The following LMBR1L variants were observed in gnomAD, a reference collection of about 807,000 sequenced individuals.
LMBR1L encodes the protein protein LMBR1L.
LMBR1L carries 47 observed loss-of-function variants against 67.3 expected under a neutral mutation model. The ratio of observed to expected loss-of-function variants is 0.70; its 90% CI spans 0.55 to 0.89. The LOEUF is 0.89. LMBR1L is among the 40% of genes least tolerant of loss of function. The pLI is 0.00. For missense variants in LMBR1L, 533 were observed against 599.2 expected (o/e 0.89, Z 1.15); for synonymous variants, 247 against 250.3 (o/e 0.99, Z 0.13).
chr12:49,109,898 C>CA (rs1267728037), intron 1 of LMBR1L: 1 of 402,750 alleles, frequency 2.5e-6, no homozygotes, highest in Non-Finnish European at 5.0e-6. Context: ...GGGTTTCAAA[C>CA]AAACACCAAT....
intron 3 of LMBR1L, among the ~76,000 whole-genome samples, 153 bp downstream of exon 3, chr12:49,105,771 G>A (rs540294886): frequency 2.0e-5 from 3 of 152,196 alleles, no homozygotes; most frequent in Non-Finnish European, 4.4e-5. Flanking sequence ...AGCATCCCCA[G>A]GGTGAGGTAA....
rs981476424 is a variant in LMBR1L at position 49,102,626 on chromosome 12, C to T, written c.697-86G>A. The T allele has an allele frequency of 1.7e-5, 24 of 1,378,642 alleles. No homozygotes were observed. The Admixed American group carries it at 2.6e-4, about 15-fold the overall frequency. 85.4% of individuals were successfully genotyped at this position (1,378,642 alleles called of 1,614,324 possible). A position where few individuals can be genotyped will look rare whatever the true frequency, so the allele number is the denominator to read the frequency against. ...GAGAACCCTGTTCTTCCCAGGGCTC[C>T]GTAGTCCCAGGCTTCCCCCAGACCC... On this transcript the variant is annotated intron_variant, in intron 8 of 16. Coordinates refer to ENST00000267102, the MANE Select transcript of LMBR1L (RefSeq NM_018113.4).
At chr12:49,106,523 T>A in intron 2 of LMBR1L, 1 of 1,268,492 alleles carries the variant, frequency 7.9e-7, no homozygotes, top group South Asian at 1.2e-5. Context: ...AGGCTCCCCA[T>A]AAAGAGAAAG....
At chr12:49,110,156 A>G (rs947434122) in intron 1 of LMBR1L, 1 of 555,534 alleles carries the variant, frequency 1.8e-6, no homozygotes, top group Non-Finnish European at 3.4e-6. Flanking sequence ...TTCCCCGATT[A>G]TCAGACTAAG....
Position 49,097,481 on chromosome 12 carries a change from T to C in LMBR1L, c.*191A>G. On this transcript the variant is annotated 3_prime_UTR_variant, in exon 17 of 17. Coordinates refer to ENST00000267102, the MANE Select transcript of LMBR1L (RefSeq NM_018113.4). The stretch of plus-strand genomic sequence containing the variant: ...ACCCCATGCTGAGGCCACAGTTAAG[T>C]ATGGAAAAGCAGGAGGTCCTGGTCC... 3.3e-6 allele frequency: 2 copies of C among 610,770 alleles called. No individual in the cohort carries two copies. The highest frequency in any genetic ancestry group is 5.8e-6 in the Non-Finnish European group (2 of 342,540). 37.8% of individuals were successfully genotyped at this position (610,770 alleles called of 1,614,324 possible). A position where few individuals can be genotyped will look rare whatever the true frequency, so the allele number is the denominator to read the frequency against.
At chr12:49,102,798 C>T in intron 8 of LMBR1L, 89 bp downstream of exon 8, 3 of 1,245,648 alleles carry the variant, frequency 2.4e-6, no homozygotes, top group East Asian at 2.3e-5. Flanking sequence ...AAGTTGTGTA[C>T]TACACAACCA....
chr12:49,110,717 A>T lies in LMBR1L; in HGVS notation c.-162T>A. 1 of 637,086 alleles carries T rather than the reference A, an allele frequency of 1.6e-6. No homozygotes were observed. Among genetic ancestry groups the T allele is most frequent in the Non-Finnish European group, 2.8e-6 (1 of 355,688 alleles). The allele number at this position is 637,086 out of a possible 1,614,324, so 39.5% of individuals were successfully genotyped here. A position where few individuals can be genotyped will look rare whatever the true frequency, so the allele number is the denominator to read the frequency against. On this transcript the variant is annotated 5_prime_UTR_variant, in exon 1 of 17. Transcript: ENST00000267102. ...CTGGGGCTCAGATACAGTCGTCCGG[A>T]CGCCCCGCCCTTAAAGGGGCAGGCA...
At chr12:49,104,930 C>T (rs778520322) in intron 3 of LMBR1L, 45 bp from the exon 4 acceptor site, 37 of 1,571,472 alleles carry the variant, frequency 2.4e-5, no homozygotes, top group Non-Finnish European at 2.8e-5. Context: ...TCAGCACTCA[C>T]TACCCTGTGC....
At position 49,100,385 on chromosome 12, in the gene LMBR1L, T is replaced by TCTCGA; in HGVS notation, c.1240+2_1240+3insTCGAG. 2 of 1,611,114 alleles carry TCTCGA rather than the reference T, an allele frequency of 1.2e-6. No homozygotes were observed. The highest frequency in any genetic ancestry group is 1.7e-6 in the Non-Finnish European group (2 of 1,177,236). ...TCCTTTATCTCCTCCTTTCAATACT[T>TCTCGA]ACCCAGGGTTCGAGAGAAGACAGGA... On this transcript the variant is annotated splice_region_variant and intron_variant, in intron 15 of 16. Coordinates refer to ENST00000267102, the MANE Select transcript of LMBR1L (RefSeq NM_018113.4).
At chr12:49,098,272 T>A (rs1939665835) in intron 15 of LMBR1L, among the ~76,000 whole-genome samples, 167 bp from the exon 16 acceptor site, 1 of 152,196 alleles carries the variant, frequency 6.6e-6, no homozygotes, top group African/African-American at 2.4e-5. Context: ...GGGACTGTTC[T>A]AAGTGCCAGC....
chr12:49,103,960 T>G (rs1397943210), intron 5 of LMBR1L, 147 bp from the exon 6 acceptor site: 5 of 799,398 alleles, frequency 6.3e-6, no homozygotes, highest in Non-Finnish European at 9.7e-6. Context: ...AGTTGCTCTG[T>G]CTTCCCACTC....
At chr12:49,107,483 G>A (rs989477847) in intron 1 of LMBR1L, among the ~76,000 whole-genome samples, 2 of 152,188 alleles carry the variant, frequency 1.3e-5, no homozygotes, top group Non-Finnish European at 2.9e-5. Context: ...GCATTGTCCT[G>A]GCACCCCATT....
At chr12:49,108,235 C>CT in intron 1 of LMBR1L, among the ~76,000 whole-genome samples, 1 of 151,504 alleles carries the variant, frequency 6.6e-6, no homozygotes, top group Non-Finnish European at 1.5e-5. Context: ...TGCACTCTAG[C>CT]CTGGGTGACA....
At chr12:49,110,082 G>A in intron 1 of LMBR1L, 3 of 470,488 alleles carry the variant, frequency 6.4e-6, no homozygotes, top group South Asian at 4.6e-5. Flanking sequence ...GTGTGACGAC[G>A]TCTCCCCTTC....
At chr12:49,102,606 C>A (rs1940347883) in intron 8 of LMBR1L, 66 bp from the exon 9 acceptor site, 2 of 1,495,478 alleles carry the variant, frequency 1.3e-6, no homozygotes, top group Non-Finnish European at 1.9e-6. Context: ...CCCAGGAGAA[C>A]CCTGTTCTTC....
rs112902437 is a variant in LMBR1L, at chr12:49,110,622, G to A, written c.-67C>T. The A allele has an allele frequency of 2.1e-6, 3 of 1,455,980 alleles. No individual in the cohort carries two copies. The highest frequency in any genetic ancestry group is 2.8e-5 in the African/African-American group (2 of 72,018). The allele number at this position is 1,455,980 out of a possible 1,614,324, so 90.2% of individuals were successfully genotyped here. ...GGGGAGGACGAGCGGGGAGGAAGCC[G>A]CCGCCGCCAAGCACCCAGACCCAGC... On this transcript the variant is annotated 5_prime_UTR_variant, in exon 1 of 17. Transcript: ENST00000267102.
At chr12:49,100,805 G>A (rs1940069293) in intron 13 of LMBR1L, 159 bp from the exon 14 acceptor site, 3 of 636,962 alleles carry the variant, frequency 4.7e-6, no homozygotes, top group African/African-American at 3.7e-5. Context: ...TCAGCTCACT[G>A]CAACCTTGAC....
At chr12:49,097,809 C>T (rs1939582555) in intron 16 of LMBR1L, 70 bp from the exon 17 acceptor site, 1 of 1,606,492 alleles carries the variant, frequency 6.2e-7, no homozygotes, top group Non-Finnish European at 8.5e-7. Context: ...GGCAGCCAAG[C>T]CACAGAATGT....
At chr12:49,107,339 G>A (rs1457650623) in intron 1 of LMBR1L, among the ~76,000 whole-genome samples, 1 of 152,222 alleles carries the variant, frequency 6.6e-6, no homozygotes, top group African/African-American at 2.4e-5. Context: ...GCCCAACTCT[G>A]GTTGGTAAAT....
Sources: gnomAD v4.1 joint callset for allele counts (sites outside exome capture counted in the v4.1 genomes callset) on GRCh38, gnomAD v4.1.1 for gene constraint, MANE v1.5 for transcripts, NCBI Gene and HGNC (gene_info 2026-07-23, HGNC 2026-07-21) for gene names.